PTPRC: variants seen among roughly 807,000 people sequenced by gnomAD.
PTPRC encodes the protein protein tyrosine phosphatase receptor type C.
In PTPRC, 44 loss-of-function variants were observed where a neutral mutation model predicts 155.9. The observed-to-expected ratio is 0.28, with a 90% CI of 0.22 to 0.36. The LOEUF is 0.36. Among genes scored for constraint, PTPRC ranks in the 10% least tolerant of loss-of-function variants. PTPRC has a pLI of 1.00. For missense variants in PTPRC, 1,401 were observed against 1,564.6 expected (o/e 0.90, Z 1.76); for synonymous variants, 525 against 533.1 (o/e 0.98, Z 0.21).
At chr1:198,714,087 GA>G (rs1653444330) in intron 12 of PTPRC, among the ~76,000 whole-genome samples, 1 of 152,074 alleles carries the variant, frequency 6.6e-6, no homozygotes, top group South Asian at 2.1e-4. Context: ...TATGTGGAAG[GA>G]AAAATGGAAA....
chr1:198,648,082 T>A (rs1255779689), intron 2 of PTPRC, among the ~76,000 whole-genome samples: 1 of 151,930 alleles, frequency 6.6e-6, no homozygotes, highest in Non-Finnish European at 1.5e-5. Flanking sequence ...AGGTCCCTGT[T>A]ACAACCAGAT....
In PTPRC at chr1:198,748,119, C is replaced by CTTTTT. The variant is rs1655223279; in HGVS notation, c.2858_2859insTTTTT (p.Tyr954PhefsTer42). Reference sequence around the variant, plus strand: ...TTTTTTTTTTTTCAGAGACTTCCTTCATATAGGAGCTGGAGGACACAGCAC... The same window carrying CTTTTT: ...TTTTTTTTTTTTCAGAGACTTCCTTCTTTTTATATAGGAGCTGGAGGACACAGCAC... On this transcript the variant is annotated frameshift_variant, in exon 27 of 33. Transcript: ENST00000442510. LOFTEE classifies it high-confidence loss of function. The CTTTTT allele has an allele frequency of 6.5e-7, 1 of 1,531,700 alleles. No homozygotes were observed. 94.9% of individuals were successfully genotyped at this position (1,531,700 alleles called of 1,614,324 possible).
Position 198,673,446 on chromosome 1 carries a change from A to G in PTPRC, c.74-18901A>G, listed in dbSNP as rs1664765155. Reference sequence around the variant, plus strand: ...ATACTTCATATTATTACAATGATTCAGGAAGCTAATGTATATGGTATACTT... The same window carrying G: ...ATACTTCATATTATTACAATGATTCGGGAAGCTAATGTATATGGTATACTT... On this transcript the variant is annotated intron_variant, in intron 2 of 32. Transcript: ENST00000442510. Among the ~76,000 whole-genome samples, 3 of 152,196 alleles carry G rather than the reference A, an allele frequency of 2.0e-5. No individual in the cohort carries two copies. The South Asian group carries it at 6.2e-4, about 31-fold the overall frequency.
rs569454871 is a variant in PTPRC, at chr1:198,704,493, C to G, written c.680C>G (p.Thr227Arg). 3.7e-6 allele frequency: 6 copies of G among 1,613,892 alleles called. No individual in the cohort carries two copies. Among genetic ancestry groups the G allele is most frequent in the Non-Finnish European group, 5.1e-6 (6 of 1,179,972 alleles). The change falls in exon 8 of 33, where the codon ACA (threonine) becomes AGA (arginine). Residue 227 changes from threonine to arginine, a missense_variant. Coordinates refer to ENST00000442510, the MANE Select transcript of PTPRC (RefSeq NM_002838.5). ...TTIATTPSKP[T>R]CDEKYANITV... ...ACAGCTACTACTCCATCTAAGCCAA[C>G]ATGTGGTAAGTTTATTTACTTAGAA...
chr1:198,721,828 A>G (rs938492854), intron 14 of PTPRC, among the ~76,000 whole-genome samples: 3 of 151,396 alleles, frequency 2.0e-5, no homozygotes, highest in Admixed American at 6.6e-5. Flanking sequence ...GATATTATTC[A>G]AATATATTTT....
intron 32 of PTPRC, among the ~76,000 whole-genome samples, chr1:198,754,643 T>A (rs1474112911): frequency 2.0e-5 from 3 of 152,078 alleles, no homozygotes. Context: ...TTGTGACAGT[T>A]CATGAAGAGC....
intron 12 of PTPRC, among the ~76,000 whole-genome samples, chr1:198,716,423 A>G (rs1467517547): frequency 6.6e-6 from 1 of 152,276 alleles, no homozygotes; most frequent in Non-Finnish European, 1.5e-5. Context: ...ATCTGAACTT[A>G]TTAAATATTT....
intron 6 of PTPRC, among the ~76,000 whole-genome samples, 188 bp downstream of exon 6, chr1:198,702,718 T>C (rs1460205659): frequency 6.6e-6 from 1 of 152,208 alleles, no homozygotes; most frequent in Admixed American, 6.5e-5. Context: ...GCATATTTTA[T>C]TTTACTATTA....
At chr1:198,700,021 T>C (rs1482865303) in intron 5 of PTPRC, 1 of 436,592 alleles carries the variant, frequency 2.3e-6, no homozygotes, top group Non-Finnish European at 4.2e-6. Flanking sequence ...AAGTAAGAAA[T>C]AATATGCATA....
rs183919651 is a variant in PTPRC, at chr1:198,694,848, G to C, written c.101-1864G>C. 1.2e-5 allele frequency: 12 copies of C among 961,794 alleles called. No homozygotes were observed. The Admixed American group carries it at 5.7e-4, about 46-fold the overall frequency. The allele number at this position is 961,794 out of a possible 1,614,324, so 59.6% of individuals were successfully genotyped here. A position where few individuals can be genotyped will look rare whatever the true frequency, so the allele number is the denominator to read the frequency against. ...TGCATAGTAGTTGAAAAAATCTAAAGTTAGACCTGATTTTACACTGAAGAC... is the reference window on the plus strand; with the variant it reads ...TGCATAGTAGTTGAAAAAATCTAAACTTAGACCTGATTTTACACTGAAGAC... On this transcript the variant is annotated intron_variant, in intron 3 of 32. Coordinates refer to ENST00000442510, the MANE Select transcript of PTPRC (RefSeq NM_002838.5).
intron 5 of PTPRC, among the ~76,000 whole-genome samples, chr1:198,701,393 A>C (rs12074996): frequency 3.0e-4 from 46 of 152,318 alleles, no homozygotes; most frequent in African/African-American, 1.1e-3. Flanking sequence ...ATGTGAGACT[A>C]ATCTCACATC....
chr1:198,744,371 T>G (rs2102523118), intron 26 of PTPRC, among the ~76,000 whole-genome samples, 168 bp downstream of exon 26: 2 of 150,624 alleles, frequency 1.3e-5, no homozygotes, highest in Admixed American at 1.3e-4. Context: ...GAGAAATGCC[T>G]GAATCTACAC....
chr1:198,747,254 GAAA>G (rs67022392), intron 26 of PTPRC, among the ~76,000 whole-genome samples: 10 of 135,066 alleles, frequency 7.4e-5, no homozygotes, highest in Non-Finnish European at 1.4e-4. Context: ...GTTCAAGCAA[GAAA>G]AAAAAAAAAA....
rs9787290 is a variant in PTPRC, at chr1:198,663,049, C to T, written c.73+23708C>T. Among the ~76,000 whole-genome samples the T allele has an allele frequency of 5.8e-3, 879 of 152,264 alleles. 28 individuals are homozygous for T. In the East Asian group the frequency reaches 0.06, roughly 10 times the overall value. On this transcript the variant is annotated intron_variant, in intron 2 of 32. Coordinates refer to ENST00000442510, the MANE Select transcript of PTPRC (RefSeq NM_002838.5). ...GAGATTGAGCATCTGTGTTGTACTT[C>T]CCACGTCTCTTCACCTAGGAAGTGC...
At chr1:198,707,640 A>G (rs2102414114) in intron 9 of PTPRC, among the ~76,000 whole-genome samples, 1 of 152,356 alleles carries the variant, frequency 6.6e-6, no homozygotes, top group African/African-American at 2.4e-5. Context: ...AAATCCATTT[A>G]ATTTATTCAT....
chr1:198,639,851 T>C (rs1218961728), intron 2 of PTPRC, among the ~76,000 whole-genome samples: 1 of 152,058 alleles, frequency 6.6e-6, no homozygotes, highest in African/African-American at 2.4e-5. Context: ...CTTGGGTATA[T>C]AATAGTTCAA....
intron 4 of PTPRC, among the ~76,000 whole-genome samples, chr1:198,698,526 C>T (rs1053317576): frequency 1.3e-5 from 2 of 151,914 alleles, no homozygotes; most frequent in Non-Finnish European, 2.9e-5. Flanking sequence ...ATCCTTTAAT[C>T]TGCATTTCTA....
intron 15 of PTPRC, among the ~76,000 whole-genome samples, chr1:198,723,176 C>A (rs1433877236): frequency 6.7e-6 from 1 of 150,338 alleles, no homozygotes; most frequent in Non-Finnish European, 1.5e-5. Flanking sequence ...CTAACATTAC[C>A]AATTGATCTG....
rs372038423 is a variant in PTPRC at position 198,689,497 on chromosome 1, AGT to A, written c.74-2848_74-2847del. Reference sequence around the variant, plus strand: ...ACAGAATATAGGGGTCTGTGGAATTAGTGGTGCAGGTAACATTAAGATTTCTC... The same window carrying A: ...ACAGAATATAGGGGTCTGTGGAATTAGGTGCAGGTAACATTAAGATTTCTC... On this transcript the variant is annotated intron_variant, in intron 2 of 32. Coordinates refer to ENST00000442510, the MANE Select transcript of PTPRC (RefSeq NM_002838.5). Among the ~76,000 whole-genome samples, 1,057 of 152,314 alleles carry A rather than the reference AGT, an allele frequency of 6.9e-3. 7 individuals are homozygous for A. Among genetic ancestry groups the A allele is most frequent in the Non-Finnish European group, 9.7e-3 (661 of 68,006 alleles).
Sources: gnomAD v4.1 joint callset for allele counts (sites outside exome capture counted in the v4.1 genomes callset) on GRCh38, gnomAD v4.1.1 for gene constraint, MANE v1.5 for transcripts, NCBI Gene and HGNC (gene_info 2026-07-23, HGNC 2026-07-21) for gene names.